Variants in ODAPH observed in about 807,000 individuals in gnomAD.
The protein encoded by ODAPH is odontogenesis associated phosphoprotein.
ODAPH carries 2 observed loss-of-function variants against 2.8 expected under a neutral mutation model. The ratio of observed to expected loss-of-function variants is 0.72; its 90% confidence interval spans 0.30 to 2.28. The LOEUF is 2.28. ODAPH is among the 30% of genes most tolerant of loss of function. The pLI is 0.13. For missense variants in ODAPH, 159 were observed against 163.3 expected (o/e 0.97, Z 0.14); for synonymous variants, 75 against 60.3 (o/e 1.24, Z -1.13).
rs558471765 is a variant in ODAPH, at chr4:75,560,994, G to A, written c.68-3120G>A. On this transcript the variant is annotated intron_variant, in intron 1 of 1. Coordinates refer to ENST00000311623, the MANE Select transcript of ODAPH (RefSeq NM_178497.5). Reference sequence around the variant, plus strand: ...GCACTTTGGGAGGCCGAGGCGGGCGGATCACGAGGTCAGGAGATCGAGACC... The same window carrying A: ...GCACTTTGGGAGGCCGAGGCGGGCGAATCACGAGGTCAGGAGATCGAGACC... Among the ~76,000 whole-genome samples the A allele has an allele frequency of 3.3e-5, 5 of 152,246 alleles. No individual in the cohort carries two copies. The South Asian group carries it at 1.0e-3, about 32-fold the overall frequency.
chr4:75,563,022 T>G (rs1484497328), intron 1 of ODAPH, among the ~76,000 whole-genome samples: 1,928 of 109,184 alleles, frequency 0.018, 55 homozygotes, highest in Non-Finnish European at 0.026. Flanking sequence ...TTTTTTTTTT[T>G]TTTTTTTTTT....
chr4:75,556,188 T>G, intron 1 of ODAPH, 39 bp downstream of exon 1: 6 of 1,591,516 alleles, frequency 3.8e-6, no homozygotes, highest in Non-Finnish European at 5.2e-6. Flanking sequence ...GGTCCACTAA[T>G]TAATAAGTTG....
intron 1 of ODAPH, among the ~76,000 whole-genome samples, chr4:75,558,512 T>TAAAA (rs35726140): frequency 1.4e-5 from 2 of 140,814 alleles, no homozygotes; most frequent in African/African-American, 2.6e-5. Flanking sequence ...TAGGTAATTA[T>TAAAA]AAAAAAAAAA....
At chr4:75,556,816 G>A (rs1037523967) in intron 1 of ODAPH, among the ~76,000 whole-genome samples, 2 of 152,020 alleles carry the variant, frequency 1.3e-5, no homozygotes, top group African/African-American at 4.8e-5. Context: ...ATGAAAAGAG[G>A]GAAATACAAG....
intron 1 of ODAPH, among the ~76,000 whole-genome samples, chr4:75,561,000 G>A (rs922877133): frequency 3.9e-5 from 6 of 151,966 alleles, no homozygotes; most frequent in African/African-American, 1.2e-4. Context: ...GGCGGATCAC[G>A]AGGTCAGGAG....
intron 1 of ODAPH, chr4:75,556,443 A>C: frequency 2.0e-6 from 2 of 1,014,582 alleles, no homozygotes; most frequent in Non-Finnish European, 3.0e-6. Context: ...GCAAGGACCA[A>C]ATGAGCTATC....
At chr4:75,563,698 A>G (rs1727687578) in intron 1 of ODAPH, among the ~76,000 whole-genome samples, 1 of 152,146 alleles carries the variant, frequency 6.6e-6, no homozygotes, top group Non-Finnish European at 1.5e-5. Flanking sequence ...TCTAACTTCT[A>G]TTGCTCAACA....
At chr4:75,558,699 T>C (rs556571373) in intron 1 of ODAPH, among the ~76,000 whole-genome samples, 36 of 151,586 alleles carry the variant, frequency 2.4e-4, no homozygotes, top group African/African-American at 7.9e-4. Flanking sequence ...TTTGTTTGTT[T>C]GTATGTTTGT....
At chr4:75,559,326 G>A (rs62318659) in intron 1 of ODAPH, among the ~76,000 whole-genome samples, 31,995 of 152,136 alleles carry the variant, frequency 0.21, 3,507 homozygotes, top group Middle Eastern at 0.38. Flanking sequence ...ATTAATAACC[G>A]TAGCTAACAC....
Position 75,564,295 on chromosome 4 carries a change from T to C in ODAPH, c.249T>C (p.Phe83=). 6.2e-7 allele frequency: 1 copy of C among 1,614,212 alleles called. No homozygotes were observed. Among genetic ancestry groups the C allele is most frequent in the Non-Finnish European group, 8.5e-7 (1 of 1,180,030 alleles). The change falls in exon 2 of 2, where the codon TTT becomes TTC. Residue 83 remains phenylalanine (F), a synonymous_variant. Coordinates refer to ENST00000311623, the MANE Select transcript of ODAPH (RefSeq NM_178497.5). ...HFFPRRPRIH[F]RFPNRPFVPS... Reference sequence around the variant, plus strand: ...TTCCACGAAGGCCCAGAATCCATTTTAGGTTTCCAAACAGACCTTTCGTCC... The same window carrying C: ...TTCCACGAAGGCCCAGAATCCATTTCAGGTTTCCAAACAGACCTTTCGTCC...
Position 75,564,439 on chromosome 4 carries a change from A to G in ODAPH, c.393A>G (p.Ter131TrpextTer9), listed in dbSNP as rs1376174285. Reference protein sequence around the residue: ...LQRGSSSEES* With the variant: ...LQRGSSSEESW ...GAGGAAGCTCATCTGAGGAAAGCTG[A>G]GAGGGAAGAGAAACCCAAACATACT... Residue 131 changes from the stop codon to tryptophan (W), a stop_lost, in exon 2 of 2, where the codon TGA (stop) becomes TGG (tryptophan). Transcript: ENST00000311623. 1.2e-6 allele frequency: 2 copies of G among 1,614,072 alleles called. No homozygotes were observed. Among genetic ancestry groups the G allele is most frequent in the African/African-American group, 1.3e-5 (1 of 74,946 alleles).
At chr4:75,558,856 C>T (rs924081460) in intron 1 of ODAPH, among the ~76,000 whole-genome samples, 8 of 152,056 alleles carry the variant, frequency 5.3e-5, no homozygotes, top group East Asian at 1.9e-4. Flanking sequence ...CCACCATGCC[C>T]GGCTAATTTT....
In ODAPH at chr4:75,564,260, T is replaced by C; in HGVS notation, c.214T>C (p.Phe72Leu). 6.2e-7 allele frequency: 1 copy of C among 1,614,232 alleles called. No individual in the cohort carries two copies. Among genetic ancestry groups the C allele is most frequent in the East Asian group, 2.2e-5 (1 of 44,884 alleles). Reference sequence around the variant, plus strand: ...CATCACAAAGACACCCAGGTGTCCCTTCCATTTTTTTCCACGAAGGCCCAG... The same window carrying C: ...CATCACAAAGACACCCAGGTGTCCCCTCCATTTTTTTCCACGAAGGCCCAG... The part of the protein sequence containing the change: ...QPITKTPRCP[F>L]HFFPRRPRIH... The change falls in exon 2 of 2, where the codon TTC (phenylalanine) becomes CTC (leucine). Residue 72 changes from phenylalanine to leucine, a missense_variant. Physicochemically the swap from Phe to Leu is conservative, Grantham distance 22. Transcript: ENST00000311623.
At chr4:75,561,842 G>A (rs963664383) in intron 1 of ODAPH, among the ~76,000 whole-genome samples, 4 of 152,016 alleles carry the variant, frequency 2.6e-5, no homozygotes, top group Admixed American at 6.6e-5. Flanking sequence ...TGGAGACTCC[G>A]TCGAAAAAAA....
intron 1 of ODAPH, among the ~76,000 whole-genome samples, chr4:75,560,221 A>T (rs1443031605): frequency 1.3e-5 from 2 of 152,218 alleles, no homozygotes; most frequent in African/African-American, 4.8e-5. Context: ...AAAGAAGTTC[A>T]TGGCAGATTA....
At chr4:75,561,289 C>T (rs1031614274) in intron 1 of ODAPH, among the ~76,000 whole-genome samples, 11 of 148,790 alleles carry the variant, frequency 7.4e-5, no homozygotes, top group Non-Finnish European at 1.3e-4. Context: ...GGCAGAATGT[C>T]TTCTTCCTGT....
chr4:75,559,645 C>T (rs527963159), intron 1 of ODAPH, among the ~76,000 whole-genome samples: 1 of 152,336 alleles, frequency 6.6e-6, no homozygotes, highest in East Asian at 1.9e-4. Flanking sequence ...GAAGAGCTCT[C>T]ATCTTTGACA....
chr4:75,556,520 C>A (rs17000647), intron 1 of ODAPH: 33,327 of 1,530,292 alleles, frequency 0.022, 446 homozygotes, highest in Non-Finnish European at 0.026. Context: ...ACAAAGCTAA[C>A]AATTCCACTT....
chr4:75,558,529 C>A (rs1354978858), intron 1 of ODAPH, among the ~76,000 whole-genome samples: 5 of 149,866 alleles, frequency 3.3e-5, no homozygotes, highest in African/African-American at 1.2e-4. Context: ...AAAAAAAGGT[C>A]TTTCATCATT....
Sources: allele counts gnomAD v4.1 joint callset (sites outside exome capture counted in the v4.1 genomes callset), GRCh38; gene constraint gnomAD v4.1.1; transcripts MANE v1.5; gene names NCBI Gene and HGNC (gene_info 2026-07-23, HGNC 2026-07-21).